Variants in UGGT1 observed in about 807,000 individuals in gnomAD.
UGGT1 encodes the protein UDP-glucose:glycoprotein glucosyltransferase 1.
Under a neutral mutation model 203.9 loss-of-function variants are expected in UGGT1, and 107 were observed. The observed-to-expected ratio is 0.52, with a 90% CI of 0.45 to 0.62. The LOEUF (loss-of-function observed/expected upper bound fraction) is 0.62, where lower values mean the gene tolerates loss of function less well. Among genes scored for constraint, UGGT1 ranks in the 20% least tolerant of loss-of-function variants. UGGT1 has a pLI of 0.00. For synonymous variants in UGGT1, 628 were observed against 653.5 expected, an observed-to-expected ratio of 0.96 and a Z score of 0.59; for missense variants, 1,673 against 1,867.2, an observed-to-expected ratio of 0.90 and a Z score of 1.92.
Position 128,133,210 on chromosome 2 carries a change from C to T in UGGT1, c.1447C>T (p.Pro483Ser), listed in dbSNP as rs752960901. The change falls in exon 14 of 41, where the codon CCC becomes TCC. Residue 483 changes from proline (P) to serine (S), a missense_variant. By Grantham distance (74) the Pro-to-Ser change is moderately conservative. Around this residue, in one of 4 missense-constraint regions of UGGT1, gnomAD observed 1,073 missense variants for 1,078.7 expected, o/e 0.99. Coordinates refer to ENST00000259253, the MANE Select transcript of UGGT1 (RefSeq NM_020120.4). ...TTCTAGTTTACAAGAGTTGCTTCGA[C>T]CCACCTTTCCTGGTGTTATTCGGCA... ...WPSSLQELLR[P>S]TFPGVIRQIR... 1.2e-6 allele frequency: 2 copies of T among 1,614,068 alleles called. No individual in the cohort carries two copies. The highest frequency in any genetic ancestry group is 1.1e-5 in the South Asian group (1 of 91,078).
chr2:128,136,638 A>G (rs910751196), intron 15 of UGGT1, among the ~76,000 whole-genome samples: 1 of 152,218 alleles, frequency 6.6e-6, no homozygotes, highest in Middle Eastern at 3.2e-3. Flanking sequence ...GTTGCCTACA[A>G]GTTTTGGCAG....
In UGGT1 at chr2:128,174,854, T is replaced by C. The variant is rs768284682; in HGVS notation, c.3535T>C (p.Tyr1179His). 6.2e-7 allele frequency: 1 copy of C among 1,612,278 alleles called. No individual in the cohort carries two copies. Among genetic ancestry groups the C allele is most frequent in the Admixed American group, 1.7e-5 (1 of 59,662 alleles). ...KGRSEDIYRI[Y>H]SHDGTDSPPD... ...ACGCTCTGAAGATATTTATAGAATT[T>C]ACAGGTAGGAGTAAGTGATGCAGTT... The change falls in exon 31 of 41, where the codon TAC becomes CAC. Residue 1179 changes from tyrosine (Y) to histidine (H), a missense_variant. Coordinates refer to ENST00000259253, the MANE Select transcript of UGGT1 (RefSeq NM_020120.4).
At chr2:128,153,167 TG>T (rs1690060029) in intron 19 of UGGT1, among the ~76,000 whole-genome samples, 1 of 152,202 alleles carries the variant, frequency 6.6e-6, no homozygotes, top group Non-Finnish European at 1.5e-5. Flanking sequence ...GCCATTTAAA[TG>T]CCAACTAAAC....
At chr2:128,093,070 C>T (rs1686943804) in intron 1 of UGGT1, among the ~76,000 whole-genome samples, 1 of 152,198 alleles carries the variant, frequency 6.6e-6, no homozygotes, top group South Asian at 2.1e-4. Flanking sequence ...TCTGGACAGT[C>T]TTTTCCTCTG....
chr2:128,175,851 C>T (rs775776854), intron 31 of UGGT1, among the ~76,000 whole-genome samples: 21 of 152,212 alleles, frequency 1.4e-4, no homozygotes, highest in Non-Finnish European at 1.8e-4. Context: ...TGCTAGATGA[C>T]AGCAAATGCA....
At chr2:128,112,953 T>C (rs1687936583) in intron 5 of UGGT1, 131 bp from the exon 6 acceptor site, 1 of 777,322 alleles carries the variant, frequency 1.3e-6, no homozygotes, top group Non-Finnish European at 1.9e-6. Flanking sequence ...ATATTTAAGA[T>C]CATGCTACCC....
chr2:128,167,986 T>C (rs1035569423), intron 26 of UGGT1, among the ~76,000 whole-genome samples: 1 of 152,230 alleles, frequency 6.6e-6, no homozygotes, highest in Non-Finnish European at 1.5e-5. Flanking sequence ...TAGAGTCCTT[T>C]TTGAGACTCT....
At chr2:128,116,448 A>C in intron 8 of UGGT1, 105 bp downstream of exon 8, 3 of 722,750 alleles carry the variant, frequency 4.2e-6, no homozygotes, top group Non-Finnish European at 4.9e-6. Context: ...TGAGTTTCTC[A>C]TCTCCTAACA....
chr2:128,187,350 T>G (rs1692031226), intron 39 of UGGT1, 99 bp from the exon 40 acceptor site: 1 of 1,346,928 alleles, frequency 7.4e-7, no homozygotes, highest in South Asian at 1.5e-5. Context: ...TTACTATTGT[T>G]TTCTTGTCCA....
At chr2:128,118,236 TTTTA>T (rs1365586705) in intron 8 of UGGT1, among the ~76,000 whole-genome samples, 16 of 152,168 alleles carry the variant, frequency 1.1e-4, no homozygotes, top group Non-Finnish European at 2.2e-4. Flanking sequence ...CATATTCTAT[TTTTA>T]TTTGACTCAG....
chr2:128,154,693 G>A (rs1558800271), intron 19 of UGGT1, among the ~76,000 whole-genome samples: 1 of 152,212 alleles, frequency 6.6e-6, no homozygotes. Flanking sequence ...TGTTCAGTGT[G>A]CATTGTCAAG....
rs147276748 is a variant in UGGT1 at position 128,092,915 on chromosome 2, G to A, written c.58+1500G>A. Among the ~76,000 whole-genome samples, 187 of 152,256 alleles carry A rather than the reference G, an allele frequency of 1.2e-3. No individual in the cohort carries two copies. The East Asian group carries it at 0.033, about 27-fold the overall frequency. On this transcript the variant is annotated intron_variant, in intron 1 of 40. Coordinates refer to ENST00000259253, the MANE Select transcript of UGGT1 (RefSeq NM_020120.4). ...AATGCTTATCATGCAAAGCCACATG[G>A]CACATTCTGTTGGCCATTATCTCAG...
intron 1 of UGGT1, among the ~76,000 whole-genome samples, chr2:128,093,336 C>G (rs1412836315): frequency 6.6e-5 from 10 of 152,126 alleles, no homozygotes; most frequent in Admixed American, 6.5e-4. Context: ...CCTGTTGTTT[C>G]CATTCATGCC....
Position 128,123,577 on chromosome 2 carries a change from C to T in UGGT1, c.1134+331C>T, listed in dbSNP as rs141998861. On this transcript the variant is annotated intron_variant, in intron 11 of 40. Transcript: ENST00000259253. ...GCTTACATTGGTACTTTATTTTTCA[C>T]GTTCAGACATTATATATTGGCCTCC... Among the ~76,000 whole-genome samples the T allele has an allele frequency of 4.6e-5, 7 of 152,280 alleles. No homozygotes were observed. In the East Asian group the frequency reaches 5.8e-4, roughly 13 times the overall value.
At chr2:128,152,952 T>A (rs1690047143) in intron 19 of UGGT1, 48 bp downstream of exon 19, 1 of 1,603,706 alleles carries the variant, frequency 6.2e-7, no homozygotes, top group Non-Finnish European at 8.5e-7. Flanking sequence ...GACTTGTGCT[T>A]CAGAATCTTT....
intron 11 of UGGT1, among the ~76,000 whole-genome samples, chr2:128,126,969 C>T (rs1009049098): frequency 6.6e-5 from 10 of 152,126 alleles, no homozygotes; most frequent in African/African-American, 2.4e-4. Flanking sequence ...AGGTGTGAGC[C>T]TCTGTGCCTG....
chr2:128,172,846 A>C (rs1032500117), intron 29 of UGGT1, 84 bp downstream of exon 29: 1 of 1,275,990 alleles, frequency 7.8e-7, no homozygotes, highest in East Asian at 2.4e-5. Context: ...CCTCTGAGAC[A>C]TCAGTGTTCA....
At chr2:128,133,007 A>G in intron 13 of UGGT1, 134 bp from the exon 14 acceptor site, 1 of 1,159,694 alleles carries the variant, frequency 8.6e-7, no homozygotes, top group Non-Finnish European at 1.2e-6. Context: ...CACTGCAGCC[A>G]ATCTTTTTAT....
At chr2:128,166,236 G>A (rs1690782375) in intron 26 of UGGT1, among the ~76,000 whole-genome samples, 1 of 152,216 alleles carries the variant, frequency 6.6e-6, no homozygotes, top group Non-Finnish European at 1.5e-5. Context: ...TGCATGTTGT[G>A]TGCGTGTGTC....
Sources: allele counts gnomAD v4.1 joint callset (sites outside exome capture counted in the v4.1 genomes callset), GRCh38; gene constraint gnomAD v4.1.1; regional missense constraint gnomAD v4.1.1; transcripts MANE v1.5; gene names NCBI Gene and HGNC (gene_info 2026-07-23, HGNC 2026-07-21).